The following CYRIB variants were observed in gnomAD, a reference collection of about 807,000 sequenced individuals.
CYRIB encodes CYFIP related Rac1 interactor B.
CYRIB carries 8 observed loss-of-function variants against 44.2 expected under a neutral mutation model. The ratio of observed to expected loss-of-function variants is 0.18; its 90% CI spans 0.11 to 0.33. The LOEUF (loss-of-function observed/expected upper bound fraction) is 0.33. Ranked by LOEUF, CYRIB falls within the 10% of genes least tolerant of loss-of-function variation. CYRIB has a pLI of 1.00. For missense variants in CYRIB, 185 were observed against 382.8 expected, an observed-to-expected ratio of 0.48 and a Z score of 4.31; for synonymous variants, 131 against 127.2, an observed-to-expected ratio of 1.03 and a Z score of -0.20.
chr8:129,942,681 C>G (rs938318244), upstream of CYRIB, among the ~76,000 whole-genome samples: 4 of 152,226 alleles, frequency 2.6e-5, no homozygotes, highest in Non-Finnish European at 5.9e-5. Flanking sequence ...GAGCACTAGT[C>G]TCTTAATGAT....
At chr8:129,977,538 CTT>C (rs397973101) in intron 1 of CYRIB, among the ~76,000 whole-genome samples, 1 of 147,502 alleles carries the variant, frequency 6.8e-6, no homozygotes. Flanking sequence ...TGTCCTCACT[CTT>C]TTTTTTTTTG....
intron 2 of CYRIB, among the ~76,000 whole-genome samples, chr8:129,886,232 A>G (rs10103677): frequency 0.057 from 8,674 of 152,292 alleles, 322 homozygotes; most frequent in Middle Eastern, 0.11. Flanking sequence ...GTGCCTGTCA[A>G]GGTCACCAAA....
Position 129,958,836 on chromosome 8 carries a change from C to T in CYRIB, c.-243+12107G>A, listed in dbSNP as rs546794801. Among the ~76,000 whole-genome samples, 10 of 150,842 alleles carry T rather than the reference C, an allele frequency of 6.6e-5. No homozygotes were observed. The East Asian group carries it at 9.7e-4, about 15-fold the overall frequency. ...ATCCCAACACTTTGGGAGGCTGAGG[C>T]GGGTGGATCACGAGGTCAGGAGTTC... On this transcript the variant is annotated intron_variant, in intron 2 of 14. Coordinates refer to the CYRIB transcript ENST00000401979.
At chr8:129,999,206 C>T (rs2096852330) in intron 1 of CYRIB, among the ~76,000 whole-genome samples, 1 of 152,184 alleles carries the variant, frequency 6.6e-6, no homozygotes, top group East Asian at 1.9e-4. Context: ...AGTAGGCAGC[C>T]ACACTCCTCT....
rs111816930 is a variant in CYRIB, at chr8:130,006,318, G to A, written c.-296+10052C>T. Among the ~76,000 whole-genome samples the A allele has an allele frequency of 7.3e-5, 11 of 151,090 alleles. 1 individual carries two copies. Among genetic ancestry groups the A allele is most frequent in the African/African-American group, 2.7e-4 (11 of 41,180 alleles). ...ACTCTGTCTCAAAAGAAAAAAAGAA[G>A]AAAAAGAATCTGGCTTGCCGGGTAC... On this transcript the variant is annotated intron_variant, in intron 1 of 14. Coordinates refer to the CYRIB transcript ENST00000401979.
Position 129,936,654 on chromosome 8 carries a change from C to G in CYRIB, c.-50+2954G>C, listed in dbSNP as rs73710973. Among the ~76,000 whole-genome samples, 152 of 151,608 alleles carry G rather than the reference C, an allele frequency of 1.0e-3. 2 individuals carry two copies. The highest frequency in any genetic ancestry group is 3.6e-3 in the African/African-American group (149 of 41,326). ...AGTATAACACAAAATCATGTCTATA[C>G]TTCCTCACCCAAAGATCTCAAAGCA... On this transcript the variant is annotated intron_variant, in intron 1 of 11. Coordinates refer to ENST00000519824, the Ensembl canonical transcript of CYRIB.
chr8:129,988,490 G>A (rs1481787335), intron 1 of CYRIB, among the ~76,000 whole-genome samples: 4 of 152,172 alleles, frequency 2.6e-5, no homozygotes, highest in Non-Finnish European at 5.9e-5. Flanking sequence ...CACCTGACAG[G>A]AACAGTGTTT....
At chr8:129,896,144 TTC>T (rs2067941522) in intron 2 of CYRIB, among the ~76,000 whole-genome samples, 6 of 152,234 alleles carry the variant, frequency 3.9e-5, no homozygotes, top group Admixed American at 3.9e-4. Flanking sequence ...CTAACAGACA[TTC>T]TGTCACACAG....
In CYRIB at chr8:129,852,155, T is replaced by C. The variant is rs759344599; in HGVS notation, c.633+7A>G. ...CAACACAGAGTACCTGCCTAGGCAATGCTTACCTCTGATACAAATTTTGTT... is the reference window on the plus strand; with the variant it reads ...CAACACAGAGTACCTGCCTAGGCAACGCTTACCTCTGATACAAATTTTGTT... On this transcript the variant is annotated splice_region_variant and intron_variant, in intron 8 of 11. Coordinates refer to ENST00000519824, the Ensembl canonical transcript of CYRIB. 2.0e-6 allele frequency: 3 copies of C among 1,519,242 alleles called. No individual in the cohort carries two copies. Among genetic ancestry groups the C allele is most frequent in the African/African-American group, 1.4e-5 (1 of 71,184 alleles). 94.1% of individuals were successfully genotyped at this position (1,519,242 alleles called of 1,614,324 possible).
At chr8:129,988,120 A>C (rs1424888570) in intron 1 of CYRIB, among the ~76,000 whole-genome samples, 1 of 152,122 alleles carries the variant, frequency 6.6e-6, no homozygotes, top group African/African-American at 2.4e-5. Flanking sequence ...GCCCCAAGTG[A>C]GGACGGAACA....
At chr8:129,895,116 TGGGGTGGGGGTG>T (rs1159386063) in intron 2 of CYRIB, among the ~76,000 whole-genome samples, 717 of 7,582 alleles carry the variant, frequency 0.095, 12 homozygotes, top group African/African-American at 0.26. Context: ...TCGGCGGGGT[TGGGGTGGGGGTG>T]GGGGTGGGGG....
At position 129,906,760 on chromosome 8, in the gene CYRIB, AAAAC is replaced by A. The variant is rs534896023; in HGVS notation, c.-49-3414_-49-3411del. Among the ~76,000 whole-genome samples the A allele has an allele frequency of 5.0e-4, 76 of 152,344 alleles. No individual in the cohort carries two copies. The South Asian group carries it at 0.013, about 27-fold the overall frequency. ...AGAATTCAAACACATTTACAAGAAA[AAAAC>A]AAACAACCCCATCAACAAGTGGGCG... On this transcript the variant is annotated intron_variant, in intron 1 of 11. Coordinates refer to ENST00000519824, the Ensembl canonical transcript of CYRIB.
intron 2 of CYRIB, among the ~76,000 whole-genome samples, chr8:129,898,094 G>T (rs202148790): frequency 2.9e-4 from 42 of 146,738 alleles, no homozygotes; most frequent in Non-Finnish European, 5.1e-4. Context: ...AAGTTTTTTT[G>T]TTTTTTTTTT....
In CYRIB at chr8:130,001,454, C is replaced by G. The variant is rs146811034; in HGVS notation, c.-296+14916G>C. On this transcript the variant is annotated intron_variant, in intron 1 of 14. Coordinates refer to the CYRIB transcript ENST00000401979. ...TCGCTTTGGAAATTACATGAAGCCC[C>G]CAAACAGAAAACACTTGGCAACTGT... Among the ~76,000 whole-genome samples the G allele has an allele frequency of 5.9e-5, 9 of 152,178 alleles. No individual in the cohort carries two copies. The East Asian group carries it at 9.6e-4, about 16-fold the overall frequency.
chr8:129,852,212 T>C, exon 8 of CYRIB: 1 of 1,571,734 alleles, frequency 6.4e-7, no homozygotes, highest in Non-Finnish European at 8.6e-7. Flanking sequence ...AGCATTGGAG[T>C]TGCCTCAGCA....
chr8:130,010,365 G>A (rs1257745280), intron 1 of CYRIB, among the ~76,000 whole-genome samples: 1 of 152,200 alleles, frequency 6.6e-6, no homozygotes, highest in Non-Finnish European at 1.5e-5. Context: ...CCAGGCTCAG[G>A]AGCCAGAGGC....
At chr8:129,910,504 T>A (rs111836500) in intron 1 of CYRIB, among the ~76,000 whole-genome samples, 275 of 133,154 alleles carry the variant, frequency 2.1e-3, no homozygotes, top group African/African-American at 6.5e-3. Context: ...TTTTTTTTTT[T>A]AAAGAGACAA....
chr8:129,852,544 G>A (rs1178035390), intron 7 of CYRIB, among the ~76,000 whole-genome samples: 6 of 152,070 alleles, frequency 3.9e-5, no homozygotes, highest in African/African-American at 1.4e-4. Flanking sequence ...TGTTATGGAG[G>A]ACAGAAAAAT....
At position 129,855,978 on chromosome 8, in the gene CYRIB, G is replaced by A. The variant is rs540015860; in HGVS notation, c.302-231C>T. ...AAAAACCTTAAACGGACTAATTCAAGGGTTTATAATTCTGTAAACCCAGAT... is the reference window on the plus strand; with the variant it reads ...AAAAACCTTAAACGGACTAATTCAAAGGTTTATAATTCTGTAAACCCAGAT... On this transcript the variant is annotated intron_variant, in intron 5 of 11. Transcript: ENST00000519824. 2.6e-5 allele frequency among the ~76,000 whole-genome samples: 4 copies of A among 152,140 alleles called. No homozygotes were observed. The South Asian group carries it at 6.2e-4, about 24-fold the overall frequency.
Sources: gnomAD v4.1 joint callset for allele counts (sites outside exome capture counted in the v4.1 genomes callset) on GRCh38, gnomAD v4.1.1 for gene constraint, MANE v1.5 for transcripts, NCBI Gene and HGNC (gene_info 2026-07-23, HGNC 2026-07-21) for gene names.